The following FBXW11 variants were observed in gnomAD, a reference collection of about 807,000 sequenced individuals.
FBXW11 encodes F-box/WD repeat-containing protein 11.
In FBXW11, 19 loss-of-function variants were observed where a neutral mutation model predicts 77.6. The observed-to-expected ratio is 0.24, with a 90% CI of 0.17 to 0.36. FBXW11 has a LOEUF of 0.36. Among genes scored for constraint, FBXW11 ranks in the 10% least tolerant of loss-of-function variants. FBXW11 has a pLI of 1.00. For synonymous variants in FBXW11, 235 were observed against 249.4 expected, an observed-to-expected ratio of 0.94 and a Z score of 0.54; for missense variants, 334 against 704.2, an observed-to-expected ratio of 0.47 and a Z score of 5.95.
At chr5:171,936,403 C>T (rs1439469578) in intron 2 of FBXW11, among the ~76,000 whole-genome samples, 1 of 150,652 alleles carries the variant, frequency 6.6e-6, no homozygotes, top group East Asian at 2.0e-4. Flanking sequence ...AGGCGGGCGG[C>T]CCCAATCACT....
intron 2 of FBXW11, among the ~76,000 whole-genome samples, chr5:171,946,064 G>A (rs960981812): frequency 4.6e-5 from 7 of 152,204 alleles, no homozygotes; most frequent in African/African-American, 1.7e-4. Context: ...CCACCATAAT[G>A]TAGGTAAGCC....
At chr5:171,873,150 G>A (rs1041737517) in intron 9 of FBXW11, among the ~76,000 whole-genome samples, 160 bp from the exon 10 acceptor site, 4 of 152,160 alleles carry the variant, frequency 2.6e-5, no homozygotes, top group African/African-American at 9.7e-5. Flanking sequence ...GGGCAGACTA[G>A]ACAGCATAAA....
In FBXW11 at chr5:171,990,112, A is replaced by G. The variant is rs1241995993; in HGVS notation, c.45+16346T>C. ...AAAAGACAGAGTAAGAGAGGGAAGGAGAAAAGGAGAGAAATGGGAAGGAGG... is the reference window on the plus strand; with the variant it reads ...AAAAGACAGAGTAAGAGAGGGAAGGGGAAAAGGAGAGAAATGGGAAGGAGG... On this transcript the variant is annotated intron_variant, in intron 1 of 13. Transcript: ENST00000517395. 3.3e-5 allele frequency among the ~76,000 whole-genome samples: 5 copies of G among 151,838 alleles called. No individual in the cohort carries two copies. In the East Asian group the frequency reaches 9.7e-4, roughly 29 times the overall value.
chr5:172,000,515 T>C (rs762936651), intron 1 of FBXW11, among the ~76,000 whole-genome samples: 3 of 152,232 alleles, frequency 2.0e-5, no homozygotes, highest in African/African-American at 2.4e-5. Context: ...GCTCATTAAA[T>C]GTATGGCTAA....
In FBXW11 at chr5:171,950,242, C is replaced by T. The variant is rs527815802; in HGVS notation, c.147+7355G>A. Reference sequence around the variant, plus strand: ...ACCTTAAACATTTTTAAATGATATTCAGGGGTTATGGCAATGCTTGGAATA... The same window carrying T: ...ACCTTAAACATTTTTAAATGATATTTAGGGGTTATGGCAATGCTTGGAATA... On this transcript the variant is annotated intron_variant, in intron 2 of 13. Coordinates refer to ENST00000517395, the MANE Select transcript of FBXW11 (RefSeq NM_001378974.1). Among the ~76,000 whole-genome samples the T allele has an allele frequency of 2.0e-5, 3 of 152,040 alleles. No individual in the cohort carries two copies. In the South Asian group the frequency reaches 6.2e-4, roughly 32 times the overall value.
At chr5:171,940,575 C>A (rs975118839) in intron 2 of FBXW11, among the ~76,000 whole-genome samples, 3 of 151,994 alleles carry the variant, frequency 2.0e-5, no homozygotes, top group African/African-American at 7.3e-5. Flanking sequence ...AGTACTTAAA[C>A]AATTATGAGA....
At chr5:171,894,446 T>G (rs1759600563) in intron 6 of FBXW11, among the ~76,000 whole-genome samples, 1 of 152,234 alleles carries the variant, frequency 6.6e-6, no homozygotes, top group Non-Finnish European at 1.5e-5. Context: ...AGGCCTGTTT[T>G]AGAATCATTA....
intron 2 of FBXW11, among the ~76,000 whole-genome samples, chr5:171,955,603 C>T (rs1763566751): frequency 6.6e-6 from 1 of 152,124 alleles, no homozygotes; most frequent in Non-Finnish European, 1.5e-5. Flanking sequence ...CTTCCAGGCT[C>T]ATTAATATTA....
rs10475997 is a variant in FBXW11, at chr5:172,001,516, G to A, written c.45+4942C>T. 9.3e-3 allele frequency among the ~76,000 whole-genome samples: 1,416 copies of A among 152,290 alleles called. 26 individuals are homozygous for A. Among genetic ancestry groups the A allele is most frequent in the African/African-American group, 0.032 (1,348 of 41,540 alleles). The stretch of plus-strand genomic sequence containing the variant: ...GTGTATGAAGGAACTGTGTGTCACT[G>A]GAAGATAATTAAGGTCCCAGCCCTT... On this transcript the variant is annotated intron_variant, in intron 1 of 13. Coordinates refer to ENST00000517395, the MANE Select transcript of FBXW11 (RefSeq NM_001378974.1).
intron 1 of FBXW11, among the ~76,000 whole-genome samples, chr5:171,968,129 T>G (rs1421338483): frequency 6.6e-6 from 1 of 152,008 alleles, no homozygotes; most frequent in Non-Finnish European, 1.5e-5. Context: ...ATTCTCCTAA[T>G]GAAGGTGGAG....
intron 2 of FBXW11, among the ~76,000 whole-genome samples, chr5:171,916,079 G>T (rs1217507900): frequency 2.3e-4 from 35 of 151,128 alleles, no homozygotes; most frequent in Admixed American, 2.3e-3. Context: ...ATCACACACT[G>T]GGGCCTGTCG....
At chr5:171,896,930 A>G (rs1379909882) in intron 6 of FBXW11, among the ~76,000 whole-genome samples, 1 of 152,080 alleles carries the variant, frequency 6.6e-6, no homozygotes, top group East Asian at 1.9e-4. Flanking sequence ...ATAAAACTCT[A>G]TATATTCTGT....
chr5:171,894,863 T>C (rs1759635287), intron 6 of FBXW11, among the ~76,000 whole-genome samples: 1 of 152,166 alleles, frequency 6.6e-6, no homozygotes, highest in African/African-American at 2.4e-5. Flanking sequence ...TGAGATTATG[T>C]ATATAAGTTC....
intron 2 of FBXW11, among the ~76,000 whole-genome samples, chr5:171,916,257 A>G (rs1761249593): frequency 6.6e-6 from 1 of 150,840 alleles, no homozygotes; most frequent in Non-Finnish European, 1.5e-5. Context: ...AAAATGAGAA[A>G]AAAAAAAAAA....
intron 2 of FBXW11, among the ~76,000 whole-genome samples, chr5:171,930,014 T>A (rs1762088363): frequency 6.6e-6 from 1 of 152,090 alleles, no homozygotes; most frequent in South Asian, 2.1e-4. Flanking sequence ...TCCTAGTACA[T>A]CCTTATGCTC....
At chr5:171,955,296 A>T (rs780699880) in intron 2 of FBXW11, among the ~76,000 whole-genome samples, 7 of 152,196 alleles carry the variant, frequency 4.6e-5, no homozygotes, top group African/African-American at 7.2e-5. Flanking sequence ...GACAATTTTA[A>T]GGGGGACTCT....
intron 13 of FBXW11, among the ~76,000 whole-genome samples, chr5:171,867,281 C>T (rs947572073): frequency 1.3e-5 from 2 of 152,056 alleles, no homozygotes; most frequent in Non-Finnish European, 2.9e-5. Context: ...CACTGAAGCA[C>T]AAAAACAGCC....
At chr5:171,916,153 G>A (rs1288313927) in intron 2 of FBXW11, among the ~76,000 whole-genome samples, 1 of 151,408 alleles carries the variant, frequency 6.6e-6, no homozygotes, top group South Asian at 2.1e-4. Context: ...ACGAGTTAAT[G>A]GGTGGAGCAT....
At chr5:171,929,577 C>T (rs965799368) in intron 2 of FBXW11, among the ~76,000 whole-genome samples, 14 of 152,042 alleles carry the variant, frequency 9.2e-5, no homozygotes, top group Admixed American at 8.5e-4. Context: ...GATGGCCGGG[C>T]GTGGTGGCTC....
Sources: gnomAD v4.1 joint callset for allele counts (sites outside exome capture counted in the v4.1 genomes callset) on GRCh38, gnomAD v4.1.1 for gene constraint, MANE v1.5 for transcripts, NCBI Gene and HGNC (gene_info 2026-07-23, HGNC 2026-07-21) for gene names.